Variants in CHRM3 observed in about 807,000 individuals in gnomAD.
CHRM3 encodes the protein muscarinic acetylcholine receptor M3.
A neutral mutation model predicts 41.8 loss-of-function variants in CHRM3; 11 were observed. The observed-to-expected ratio is 0.26, with a 90% confidence interval of 0.17 to 0.44. The LOEUF is 0.44. Among genes scored for constraint, CHRM3 ranks in the 20% least tolerant of loss-of-function variants. CHRM3 has a pLI of 1.00. For synonymous variants in CHRM3, 297 were observed against 301.4 expected, an observed-to-expected ratio of 0.99 and a Z score of 0.15; for missense variants, 571 against 745.4, an observed-to-expected ratio of 0.77 and a Z score of 2.72.
At chr1:239,522,100 G>A (rs904479490) in intron 2 of CHRM3, among the ~76,000 whole-genome samples, 1 of 152,110 alleles carries the variant, frequency 6.6e-6, no homozygotes, top group African/African-American at 2.4e-5. Flanking sequence ...CAAAAGATGG[G>A]TGTGTGTTCT....
At chr1:239,879,326 C>G (rs1406838845) in intron 6 of CHRM3, among the ~76,000 whole-genome samples, 1 of 152,176 alleles carries the variant, frequency 6.6e-6, no homozygotes, top group African/African-American at 2.4e-5. Flanking sequence ...CCAGGAGATT[C>G]TGCTGCTGCT....
chr1:239,759,046 C>T (rs181625365), intron 5 of CHRM3, among the ~76,000 whole-genome samples: 4 of 151,882 alleles, frequency 2.6e-5, no homozygotes, highest in Admixed American at 6.6e-5. Flanking sequence ...GATATTTCCA[C>T]AGTGTTGGAA....
At chr1:239,606,107 A>G (rs1168013135) in intron 3 of CHRM3, 2 of 152,210 alleles carry the variant, frequency 1.3e-5, no homozygotes, top group Non-Finnish European at 2.9e-5. Context: ...TAAGCCAGAT[A>G]TGGAAGAGAT....
intron 3 of CHRM3, among the ~76,000 whole-genome samples, chr1:239,574,428 C>T (rs977696517): frequency 2.6e-5 from 4 of 152,018 alleles, no homozygotes; most frequent in African/African-American, 7.2e-5. Flanking sequence ...CTTTGTCCAG[C>T]GCTGGGCCTG....
At chr1:239,794,326 A>G (rs781662182) in intron 5 of CHRM3, among the ~76,000 whole-genome samples, 16 of 152,028 alleles carry the variant, frequency 1.1e-4, no homozygotes, top group Admixed American at 5.2e-4. Context: ...CACAAGTTTA[A>G]CAAACACCTT....
chr1:239,388,229 G>A (rs146518555), intron 1 of CHRM3, among the ~76,000 whole-genome samples: 26 of 152,238 alleles, frequency 1.7e-4, no homozygotes, highest in Non-Finnish European at 3.4e-4. Flanking sequence ...ATGTCCCCTC[G>A]ATCCCCGCCA....
chr1:239,465,845 T>A (rs1558243668), intron 1 of CHRM3, among the ~76,000 whole-genome samples: 1 of 152,130 alleles, frequency 6.6e-6, no homozygotes, highest in East Asian at 1.9e-4. Context: ...ACATCTCCCC[T>A]GCTTCCCTGT....
chr1:239,822,933 AT>A (rs905868860), intron 5 of CHRM3, among the ~76,000 whole-genome samples: 45 of 152,182 alleles, frequency 3.0e-4, no homozygotes, highest in Non-Finnish European at 1.0e-4. Flanking sequence ...AGCACTTGTA[AT>A]TTCCCCACAG....
At chr1:239,504,516 AAGAAC>A (rs1668437784) in intron 2 of CHRM3, among the ~76,000 whole-genome samples, 2 of 152,194 alleles carry the variant, frequency 1.3e-5, no homozygotes, top group African/African-American at 4.8e-5. Flanking sequence ...AGATTCCTTA[AAGAAC>A]TACAAGTAGA....
chr1:239,618,273 C>CTTTT lies in CHRM3; in HGVS notation c.-312-13948_-312-13947insTTTT, dbSNP rs11413091. On this transcript the variant is annotated intron_variant, in intron 3 of 6. Transcript: ENST00000676153. The stretch of plus-strand genomic sequence containing the variant: ...TAGAGAGTAGGAGTACTTTTTTTTT[C>CTTTT]TTTCTTTTTTTTTTTTTTTTTTAAT... 2.6e-4 allele frequency among the ~76,000 whole-genome samples: 29 copies of CTTTT among 113,034 alleles called. 2 individuals carry two copies. Among genetic ancestry groups the CTTTT allele is most frequent in the Admixed American group, 4.8e-4 (5 of 10,524 alleles). The allele number at this position is 113,034 out of a possible 152,430, so 74.2% of individuals were successfully genotyped here. A position where few individuals can be genotyped will look rare whatever the true frequency, so the allele number is the denominator to read the frequency against.
At chr1:239,734,560 A>G (rs996218643) in intron 5 of CHRM3, among the ~76,000 whole-genome samples, 1 of 152,124 alleles carries the variant, frequency 6.6e-6, no homozygotes, top group Non-Finnish European at 1.5e-5. Context: ...TGCAAGCTGT[A>G]CTTCAGGCTG....
At chr1:239,767,716 T>G (rs1307941301) in intron 5 of CHRM3, among the ~76,000 whole-genome samples, 3 of 152,202 alleles carry the variant, frequency 2.0e-5, no homozygotes, top group Non-Finnish European at 4.4e-5. Flanking sequence ...TTATTTAATC[T>G]TCACAATGAT....
intron 2 of CHRM3, among the ~76,000 whole-genome samples, chr1:239,520,934 C>G (rs1669600247): frequency 6.6e-6 from 1 of 152,010 alleles, no homozygotes; most frequent in African/African-American, 2.4e-5. Flanking sequence ...GATAAAAATC[C>G]TCTCTCTTTG....
chr1:239,539,955 G>T (rs1198997129), intron 2 of CHRM3, among the ~76,000 whole-genome samples: 1 of 152,138 alleles, frequency 6.6e-6, no homozygotes, highest in Non-Finnish European at 1.5e-5. Context: ...ATGTTTAGAT[G>T]TTTACATACA....
At chr1:239,861,549 C>T (rs1014018796) in intron 6 of CHRM3, among the ~76,000 whole-genome samples, 8 of 152,002 alleles carry the variant, frequency 5.3e-5, no homozygotes, top group African/African-American at 1.5e-4. Context: ...GGAGAGGTAG[C>T]GAGAGTCAAC....
At chr1:239,650,596 CAAGG>C (rs1416472958) in intron 4 of CHRM3, among the ~76,000 whole-genome samples, 2 of 152,224 alleles carry the variant, frequency 1.3e-5, no homozygotes, top group Non-Finnish European at 1.5e-5. Context: ...ATTTGTAAGA[CAAGG>C]AAGCCAATTA....
chr1:239,850,963 G>A (rs1674655542), intron 6 of CHRM3, among the ~76,000 whole-genome samples: 1 of 152,036 alleles, frequency 6.6e-6, no homozygotes, highest in African/African-American at 2.4e-5. Flanking sequence ...CCAATTATGG[G>A]ATATCAGACA....
intron 1 of CHRM3, among the ~76,000 whole-genome samples, chr1:239,423,769 A>T (rs914783587): frequency 6.6e-6 from 1 of 152,162 alleles, no homozygotes; most frequent in African/African-American, 2.4e-5. Context: ...ATAGGAAAAC[A>T]TTAAAGAAGA....
At chr1:239,453,634 C>T (rs1032721650) in intron 1 of CHRM3, among the ~76,000 whole-genome samples, 5 of 152,006 alleles carry the variant, frequency 3.3e-5, no homozygotes, top group African/African-American at 4.8e-5. Flanking sequence ...GAAGGATGCA[C>T]GTAGGTATAT....
Sources: allele counts gnomAD v4.1 joint callset (sites outside exome capture counted in the v4.1 genomes callset), GRCh38; gene constraint gnomAD v4.1.1; transcripts MANE v1.5; gene names NCBI Gene and HGNC (gene_info 2026-07-23, HGNC 2026-07-21).